Variants in SMG6 observed in about 807,000 individuals in gnomAD.
SMG6 encodes SMG6 nonsense mediated mRNA decay factor, also known as telomerase-binding protein EST1A.
Under a neutral mutation model 142.2 loss-of-function variants are expected in SMG6, and 66 were observed. The ratio of observed to expected loss-of-function variants is 0.46; its 90% CI spans 0.38 to 0.57. SMG6 has a LOEUF of 0.57. SMG6 is among the 20% of genes least tolerant of loss of function. The probability of loss-of-function intolerance (pLI) is 0.00; values close to 1 mark genes in which losing one functional copy is unlikely to be tolerated. For missense variants in SMG6, 1,793 were observed against 1,832.0 expected (o/e 0.98, Z 0.39); for synonymous variants, 779 against 702.4 (o/e 1.11, Z -1.72).
intron 8 of SMG6, among the ~76,000 whole-genome samples, chr17:2,258,025 A>ATAT (rs1233906404): frequency 1.1e-5 from 1 of 94,656 alleles, no homozygotes. Context: ...AAAAAAAAAA[A>ATAT]AAAAAAAAAA....
At chr17:2,131,981 C>T (rs1051628982) in intron 13 of SMG6, among the ~76,000 whole-genome samples, 1 of 151,922 alleles carries the variant, frequency 6.6e-6, no homozygotes, top group South Asian at 2.1e-4. Flanking sequence ...CTGAGGCAGG[C>T]GAATCCCTTC....
At position 2,179,317 on chromosome 17, in the gene SMG6, T is replaced by A. The variant is rs932910729; in HGVS notation, c.3156-6458A>T. Among the ~76,000 whole-genome samples, 3 of 152,282 alleles carry A rather than the reference T, an allele frequency of 2.0e-5. No individual in the cohort carries two copies. In the South Asian group the frequency reaches 6.2e-4, roughly 32 times the overall value. ...TAAGTGTCCTTGAAGGGGTGCCGATTAGCCTTGGGATTAGTTCTTATTTCA... is the reference window on the plus strand; with the variant it reads ...TAAGTGTCCTTGAAGGGGTGCCGATAAGCCTTGGGATTAGTTCTTATTTCA... On this transcript the variant is annotated intron_variant, in intron 12 of 18. Transcript: ENST00000263073.
At chr17:2,254,549 G>C (rs1199761297) in intron 8 of SMG6, among the ~76,000 whole-genome samples, 1 of 152,090 alleles carries the variant, frequency 6.6e-6, no homozygotes, top group East Asian at 1.9e-4. Context: ...TGTCCAGGCT[G>C]GTCTTGAACT....
chr17:2,150,293 C>T (rs1024307798), intron 13 of SMG6, among the ~76,000 whole-genome samples: 3 of 152,208 alleles, frequency 2.0e-5, no homozygotes, highest in Non-Finnish European at 4.4e-5. Flanking sequence ...CCTGAAACCA[C>T]CCACTGCTAA....
At chr17:2,183,083 C>T (rs1476800057) in intron 12 of SMG6, among the ~76,000 whole-genome samples, 2 of 151,910 alleles carry the variant, frequency 1.3e-5, no homozygotes, top group Non-Finnish European at 1.5e-5. Context: ...AAAAGTTAGC[C>T]GGGTTGGTGG....
chr17:2,116,149 C>T (rs1401409043), intron 13 of SMG6, among the ~76,000 whole-genome samples: 6 of 152,190 alleles, frequency 3.9e-5, no homozygotes, highest in South Asian at 4.1e-4. Flanking sequence ...TGGCTCACTG[C>T]ACCCTCAACT....
At chr17:2,190,349 C>T (rs1389201386) in intron 10 of SMG6, among the ~76,000 whole-genome samples, 6 of 152,168 alleles carry the variant, frequency 3.9e-5, no homozygotes, top group Non-Finnish European at 8.8e-5. Flanking sequence ...CAGAAGTTAC[C>T]TGCACTCAGA....
In SMG6 at chr17:2,068,784, G is replaced by A; in HGVS notation, c.3829C>T (p.Leu1277Phe). 1 of 1,613,978 alleles carries A rather than the reference G, an allele frequency of 6.2e-7. No individual in the cohort carries two copies. Among genetic ancestry groups the A allele is most frequent in the Non-Finnish European group, 8.5e-7 (1 of 1,179,906 alleles). Reference protein sequence around the residue: ...ESRKYILVVPLIVINELDGLA... With the variant: ...ESRKYILVVPFIVINELDGLA... ...CCCTTCCCGCCTGACTCACCGATGA[G>A]GGGCACCACCAGGATGTACTTCCTG... Residue 1277 changes from leucine (L) to phenylalanine (F), a missense_variant, in exon 16 of 19, where the codon CTC becomes TTC. This residue lies in a region of SMG6 where 179 missense variants were observed against 212.6 expected (regional missense o/e 0.84). Coordinates refer to ENST00000263073, the MANE Select transcript of SMG6 (RefSeq NM_017575.5). This position sits in a 1 kb window ranked among gnomAD's most constrained non-coding sequence, Gnocchi z 6.7.
intron 10 of SMG6, among the ~76,000 whole-genome samples, chr17:2,234,698 T>C (rs2073599512): frequency 6.6e-6 from 1 of 151,594 alleles, no homozygotes; most frequent in African/African-American, 2.4e-5. Context: ...CAAGGGCTTT[T>C]AATTCTTAAT....
intron 10 of SMG6, among the ~76,000 whole-genome samples, chr17:2,207,233 C>T (rs1372618833): frequency 6.6e-6 from 1 of 151,244 alleles, no homozygotes; most frequent in Non-Finnish European, 1.5e-5. Context: ...GAGCCGAGGC[C>T]GAGATGGTGC....
chr17:2,173,492 G>A (rs925571717), intron 12 of SMG6, among the ~76,000 whole-genome samples: 3 of 152,126 alleles, frequency 2.0e-5, no homozygotes, highest in African/African-American at 4.8e-5. Context: ...ATTCATCAGC[G>A]CTGTCTCAGC....
intron 9 of SMG6, among the ~76,000 whole-genome samples, chr17:2,238,892 C>T (rs1034660903): frequency 1.3e-5 from 2 of 149,534 alleles, no homozygotes; most frequent in Non-Finnish European, 2.9e-5. Context: ...AAACTGAAAG[C>T]AGAAGGATAT....
At position 2,085,559 on chromosome 17, in the gene SMG6, G is replaced by A. The variant is rs912180811; in HGVS notation, c.3534+166C>T. On this transcript the variant is annotated intron_variant, in intron 14 of 18. Coordinates refer to ENST00000263073, the MANE Select transcript of SMG6 (RefSeq NM_017575.5). The surrounding 1 kb of genome is among the most constrained non-coding windows in gnomAD (Gnocchi z 4.1). Reference sequence around the variant, plus strand: ...TAGGATGGAGGCACCGGGGTGGACTGGCAGGAAGGGGCACCATCAGAGCAC... The same window carrying A: ...TAGGATGGAGGCACCGGGGTGGACTAGCAGGAAGGGGCACCATCAGAGCAC... Among the ~76,000 whole-genome samples the A allele has an allele frequency of 2.6e-5, 4 of 152,204 alleles. No individual in the cohort carries two copies. Among genetic ancestry groups the A allele is most frequent in the African/African-American group, 9.7e-5 (4 of 41,440 alleles).
At chr17:2,264,427 C>G (rs1230178087) in intron 8 of SMG6, among the ~76,000 whole-genome samples, 1 of 152,154 alleles carries the variant, frequency 6.6e-6, no homozygotes, top group Non-Finnish European at 1.5e-5. Flanking sequence ...CTCAAGTACA[C>G]CATACAGATT....
At chr17:2,303,554 G>A in intron 1 of SMG6, 79 bp downstream of exon 1, 1 of 1,346,708 alleles carries the variant, frequency 7.4e-7, no homozygotes, top group Non-Finnish European at 9.5e-7. Context: ...GCCGAGGGCC[G>A]AGCGGGGAGG....
chr17:2,147,392 C>T (rs2070701670), intron 13 of SMG6, among the ~76,000 whole-genome samples: 1 of 151,640 alleles, frequency 6.6e-6, no homozygotes, highest in Admixed American at 6.6e-5. Flanking sequence ...GACTACATCT[C>T]AAAAAAACAG....
chr17:2,202,305 T>C (rs1432971833), intron 10 of SMG6, among the ~76,000 whole-genome samples: 2 of 152,174 alleles, frequency 1.3e-5, no homozygotes, highest in Non-Finnish European at 2.9e-5. Flanking sequence ...TCCTAGCACT[T>C]TGGGAAGCCA....
At chr17:2,086,793 C>A (rs1429658162) in intron 13 of SMG6, among the ~76,000 whole-genome samples, 1 of 152,168 alleles carries the variant, frequency 6.6e-6, no homozygotes, top group East Asian at 1.9e-4. Context: ...TCCATGCTTG[C>A]CCCTGTGTGC....
intron 10 of SMG6, among the ~76,000 whole-genome samples, chr17:2,226,460 T>C (rs1597647963): frequency 6.6e-6 from 1 of 150,922 alleles, no homozygotes; most frequent in East Asian, 1.9e-4. Context: ...GTGCCTGTAA[T>C]CCCAGCTACT....
Sources: allele counts gnomAD v4.1 joint callset (sites outside exome capture counted in the v4.1 genomes callset), GRCh38; gene constraint gnomAD v4.1.1; regional missense constraint gnomAD v4.1.1; non-coding constraint Gnocchi (gnomAD v3.1); transcripts MANE v1.5; gene names NCBI Gene and HGNC (gene_info 2026-07-23, HGNC 2026-07-21).